Variants in CBLB observed in about 807,000 individuals in gnomAD.
CBLB encodes Cbl proto-oncogene B, also known as E3 ubiquitin-protein ligase CBL-B.
In CBLB, 31 loss-of-function variants were observed where a neutral mutation model predicts 104.9. The observed-to-expected ratio is 0.30, with a 90% CI of 0.22 to 0.40. The LOEUF (loss-of-function observed/expected upper bound fraction) is 0.40, where lower values mean the gene tolerates loss of function less well. Among genes scored for constraint, CBLB ranks in the 10% least tolerant of loss-of-function variants. CBLB has a pLI of 1.00. For synonymous variants in CBLB, 440 were observed against 422.6 expected (o/e 1.04, Z -0.51); for missense variants, 1,062 against 1,214.6 (o/e 0.87, Z 1.87).
chr3:105,791,721 T>C (rs2081661554), intron 3 of CBLB, among the ~76,000 whole-genome samples: 1 of 152,242 alleles, frequency 6.6e-6, no homozygotes, highest in Non-Finnish European at 1.5e-5. Context: ...AAAAATCTGT[T>C]TTCCAGACAT....
chr3:105,680,469 C>T (rs1286840505), intron 16 of CBLB, among the ~76,000 whole-genome samples: 1 of 152,158 alleles, frequency 6.6e-6, no homozygotes, highest in Non-Finnish European at 1.5e-5. Context: ...TTGAACAATG[C>T]TTATCCAGGT....
chr3:105,791,743 C>T (rs914622062), intron 3 of CBLB, among the ~76,000 whole-genome samples: 1 of 152,200 alleles, frequency 6.6e-6, no homozygotes, highest in South Asian at 2.1e-4. Flanking sequence ...TGGTGTCACA[C>T]ATACATGAAT....
chr3:105,794,905 T>G (rs2082084045), intron 3 of CBLB, among the ~76,000 whole-genome samples: 1 of 151,808 alleles, frequency 6.6e-6, no homozygotes, highest in South Asian at 2.1e-4. Context: ...AACCTTCTTT[T>G]GAATAATGGC....
chr3:105,780,880 T>A (rs896627207), intron 3 of CBLB, among the ~76,000 whole-genome samples: 2 of 152,044 alleles, frequency 1.3e-5, no homozygotes, highest in African/African-American at 4.8e-5. Context: ...GCCAGGATGG[T>A]CTCAATCTCG....
At chr3:105,847,392 C>CCACACACACACACACACA (rs112192218) in intron 3 of CBLB, among the ~76,000 whole-genome samples, 4 of 143,438 alleles carry the variant, frequency 2.8e-5, no homozygotes, top group Admixed American at 1.4e-4. Context: ...TAACCCTCCA[C>CCACACACACACACACACA]CACACACACA....
At chr3:105,708,745 A>G (rs900151115) in intron 10 of CBLB, among the ~76,000 whole-genome samples, 3 of 152,054 alleles carry the variant, frequency 2.0e-5, no homozygotes, top group African/African-American at 4.8e-5. Flanking sequence ...AATGCATTTG[A>G]CAGAACATTA....
chr3:105,751,650 G>C (rs752964388), intron 4 of CBLB, 32 bp from the exon 5 acceptor site: 1 of 1,578,106 alleles, frequency 6.3e-7, no homozygotes, highest in South Asian at 1.1e-5. Context: ...GGAAATAATT[G>C]AATCAAGTAT....
intron 3 of CBLB, among the ~76,000 whole-genome samples, chr3:105,837,217 C>CA (rs1234493358): frequency 1.3e-5 from 2 of 152,210 alleles, no homozygotes; most frequent in African/African-American, 2.4e-5. Flanking sequence ...TGCACTGCCT[C>CA]AAGAGTCCTG....
chr3:105,862,903 G>A (rs1577990692), intron 2 of CBLB, among the ~76,000 whole-genome samples: 1 of 151,974 alleles, frequency 6.6e-6, no homozygotes, highest in African/African-American at 2.4e-5. Context: ...AGCAAGCAAC[G>A]GTTCACCTCT....
At chr3:105,859,307 T>C (rs2091895430) in intron 2 of CBLB, among the ~76,000 whole-genome samples, 1 of 152,196 alleles carries the variant, frequency 6.6e-6, no homozygotes, top group Non-Finnish European at 1.5e-5. Flanking sequence ...TCAGTTACAC[T>C]GAATCAAGTC....
intron 1 of CBLB, 125 bp from the exon 2 acceptor site, chr3:105,867,716 C>T (rs571527501): frequency 7.9e-6 from 6 of 763,600 alleles, no homozygotes; most frequent in African/African-American, 7.0e-5. Flanking sequence ...ACCAAAAGTT[C>T]CGGATTCATC....
intron 4 of CBLB, among the ~76,000 whole-genome samples, chr3:105,752,875 A>AGGCTGC (rs2076715907): frequency 6.6e-6 from 1 of 152,152 alleles, no homozygotes; most frequent in Non-Finnish European, 1.5e-5. Context: ...ATGTTCCCTG[A>AGGCTGC]GGCTGCTGCT....
At chr3:105,779,538 C>T (rs936615090) in intron 3 of CBLB, among the ~76,000 whole-genome samples, 1 of 151,808 alleles carries the variant, frequency 6.6e-6, no homozygotes, top group African/African-American at 2.4e-5. Flanking sequence ...TATATATTTA[C>T]TTTATACTTA....
In CBLB at chr3:105,690,678, C is replaced by A. The variant is rs146417331; in HGVS notation, c.2054+2816G>T. Among the ~76,000 whole-genome samples the A allele has an allele frequency of 1.9e-3, 289 of 152,068 alleles. No homozygotes were observed. The Middle Eastern group carries it at 0.034, about 18-fold the overall frequency. On this transcript the variant is annotated intron_variant, in intron 13 of 18. Transcript: ENST00000394030. The stretch of plus-strand genomic sequence containing the variant: ...CTCCACTAAAAATAAAAAAATTAGC[C>A]GGGCATAGTGGCGGACGACTATAGT...
chr3:105,677,972 TTGTTA>T (rs1241759636), intron 17 of CBLB, among the ~76,000 whole-genome samples: 1 of 152,112 alleles, frequency 6.6e-6, no homozygotes, highest in Non-Finnish European at 1.5e-5. Context: ...TTCTCTATTC[TTGTTA>T]TAACAACATA....
At chr3:105,843,019 TC>T (rs2089760858) in intron 3 of CBLB, among the ~76,000 whole-genome samples, 1 of 152,356 alleles carries the variant, frequency 6.6e-6, no homozygotes, top group East Asian at 1.9e-4. Context: ...TTGGTCTGGC[TC>T]ATTTTTGTAA....
chr3:105,832,568 C>A (rs1206474492), intron 3 of CBLB, among the ~76,000 whole-genome samples: 1 of 152,128 alleles, frequency 6.6e-6, no homozygotes, highest in African/African-American at 2.4e-5. Flanking sequence ...TCAACCATAC[C>A]AGATTGACAG....
intron 8 of CBLB, among the ~76,000 whole-genome samples, chr3:105,734,771 C>G (rs893126131): frequency 6.6e-6 from 1 of 152,166 alleles, no homozygotes; most frequent in Non-Finnish European, 1.5e-5. Flanking sequence ...AATTAAGCCT[C>G]TGACTAAAAA....
At chr3:105,852,624 T>G (rs577999539) in intron 3 of CBLB, among the ~76,000 whole-genome samples, 3 of 152,230 alleles carry the variant, frequency 2.0e-5, no homozygotes, top group Admixed American at 6.5e-5. Context: ...TGCAGTAGTG[T>G]ACAGTAACAG....
Sources: gnomAD v4.1 joint callset for allele counts (sites outside exome capture counted in the v4.1 genomes callset) on GRCh38, gnomAD v4.1.1 for gene constraint, MANE v1.5 for transcripts, NCBI Gene and HGNC (gene_info 2026-07-23, HGNC 2026-07-21) for gene names.